Variants in CLYBL observed in about 807,000 individuals in gnomAD.
CLYBL encodes the protein citramalyl-CoA lyase.
In CLYBL, 31 loss-of-function variants were observed where a neutral mutation model predicts 38.9. The observed-to-expected ratio is 0.80, with a 90% CI of 0.60 to 1.08. CLYBL has a LOEUF of 1.08. Ranked by LOEUF, CLYBL falls within the 50% of genes least tolerant of loss-of-function variation. The pLI is 0.00. For missense variants in CLYBL, 434 were observed against 411.6 expected (o/e 1.05, Z -0.47); for synonymous variants, 171 against 158.6 (o/e 1.08, Z -0.59).
intron 2 of CLYBL, among the ~76,000 whole-genome samples, chr13:99,778,467 T>C (rs1431144633): frequency 6.6e-6 from 1 of 152,230 alleles, no homozygotes; most frequent in Non-Finnish European, 1.5e-5. Flanking sequence ...TAATTCCATA[T>C]TTCATTTGAT....
At position 99,772,851 on chromosome 13, in the gene CLYBL, C is replaced by T. The variant is rs1017316380; in HGVS notation, c.90C>T (p.Pro30=). The T allele has an allele frequency of 1.4e-5, 22 of 1,607,672 alleles. No individual in the cohort carries two copies. The highest frequency in any genetic ancestry group is 1.9e-5 in the Non-Finnish European group (22 of 1,178,664). ...RLKASLAADI[P]RLGYSSSSHH... is the part of the protein sequence containing the mutation. ...AAGCGTCTCTAGCAGCTGATATCCC[C>T]AGACTTGGATATAGTTCCTCATCCC... The change falls in exon 2 of 9, where the codon CCC becomes CCT. Residue 30 remains proline, a synonymous_variant. Transcript: ENST00000339105.
At chr13:99,901,639 T>A (rs9585257), downstream of CLYBL, among the ~76,000 whole-genome samples, 22,958 of 67,104 alleles carry the variant, frequency 0.34, 2,017 homozygotes, top group Middle Eastern at 0.39. Flanking sequence ...TTTTTTGGAT[T>A]TTTTTGTTTT....
chr13:99,798,560 T>C (rs1474792344), intron 2 of CLYBL, among the ~76,000 whole-genome samples: 1 of 152,252 alleles, frequency 6.6e-6, no homozygotes, highest in Non-Finnish European at 1.5e-5. Flanking sequence ...ATCATTTTAA[T>C]TGGAATTTGC....
At chr13:99,905,448 G>C (rs1190234678) in intron 9 of CLYBL, among the ~76,000 whole-genome samples, 1 of 152,158 alleles carries the variant, frequency 6.6e-6, no homozygotes, top group African/African-American at 2.4e-5. Context: ...GGCCAAAAGG[G>C]TGTCTTGAAG....
intron 2 of CLYBL, among the ~76,000 whole-genome samples, chr13:99,856,976 T>A (rs368185043): frequency 6.6e-6 from 1 of 151,942 alleles, no homozygotes; most frequent in Admixed American, 6.6e-5. Context: ...TAGACAGCTT[T>A]AGAGCCAAGA....
intron 1 of CLYBL, among the ~76,000 whole-genome samples, chr13:99,688,567 A>G (rs1346239312): frequency 6.6e-6 from 1 of 151,624 alleles, no homozygotes; most frequent in Non-Finnish European, 1.5e-5. Flanking sequence ...TACTAATTAT[A>G]TTACTTATTT....
At chr13:99,653,949 T>TC (rs922879534) in intron 1 of CLYBL, among the ~76,000 whole-genome samples, 1 of 152,166 alleles carries the variant, frequency 6.6e-6, no homozygotes, top group African/African-American at 2.4e-5. Flanking sequence ...GATAATTTCT[T>TC]CCCCCCTCAC....
At chr13:99,682,212 C>T (rs1003278900) in intron 1 of CLYBL, among the ~76,000 whole-genome samples, 4 of 151,726 alleles carry the variant, frequency 2.6e-5, no homozygotes, top group Admixed American at 1.3e-4. Context: ...GGCGCAGTCT[C>T]GGCTCACTGC....
At chr13:99,901,886 C>T (rs1454676124), downstream of CLYBL, among the ~76,000 whole-genome samples, 3 of 152,142 alleles carry the variant, frequency 2.0e-5, no homozygotes, top group Non-Finnish European at 4.4e-5. Context: ...TCTCGAATTC[C>T]TGACCTCAAG....
chr13:99,683,225 G>T (rs1483439498), intron 1 of CLYBL, among the ~76,000 whole-genome samples: 4 of 150,974 alleles, frequency 2.6e-5, no homozygotes, highest in Non-Finnish European at 4.4e-5. Context: ...GGGCTTGCAG[G>T]TGCCCCCCCC....
chr13:99,692,384 C>T (rs571353719), intron 1 of CLYBL, among the ~76,000 whole-genome samples: 24 of 152,086 alleles, frequency 1.6e-4, no homozygotes, highest in African/African-American at 4.3e-4. Context: ...CTCCGCCTCC[C>T]GGGTTCACGC....
At chr13:99,855,184 C>T (rs2051430876) in intron 2 of CLYBL, among the ~76,000 whole-genome samples, 1 of 152,164 alleles carries the variant, frequency 6.6e-6, no homozygotes, top group African/African-American at 2.4e-5. Context: ...GTTCATTCCA[C>T]AGTGAGAATG....
intron 7 of CLYBL, among the ~76,000 whole-genome samples, chr13:99,886,329 T>C (rs191914411): frequency 1.3e-5 from 2 of 152,384 alleles, no homozygotes; most frequent in East Asian, 3.9e-4. Context: ...TATGACAATT[T>C]CCCATAGATG....
At chr13:99,774,995 A>C (rs1041428811) in intron 2 of CLYBL, among the ~76,000 whole-genome samples, 43 of 152,302 alleles carry the variant, frequency 2.8e-4, no homozygotes, top group African/African-American at 1.0e-3. Context: ...AGGGATGACA[A>C]TATCTTCTTT....
At chr13:99,608,647 G>C (rs2046571190) in intron 1 of CLYBL, among the ~76,000 whole-genome samples, 1 of 152,038 alleles carries the variant, frequency 6.6e-6, no homozygotes, top group African/African-American at 2.4e-5. Context: ...CAGTACGCTG[G>C]GGGTTAACTC....
chr13:99,844,024 A>C (rs1352839430), intron 2 of CLYBL, among the ~76,000 whole-genome samples: 2 of 152,244 alleles, frequency 1.3e-5, no homozygotes, highest in Non-Finnish European at 2.9e-5. Context: ...GTGGCTGAGT[A>C]AAAAAGGCCG....
chr13:99,661,386 T>G (rs1301282748), intron 1 of CLYBL, among the ~76,000 whole-genome samples: 1 of 152,232 alleles, frequency 6.6e-6, no homozygotes, highest in East Asian at 1.9e-4. Context: ...TGTAACAGAT[T>G]GTTTTCCTAC....
intron 2 of CLYBL, among the ~76,000 whole-genome samples, chr13:99,792,340 G>T (rs929926003): frequency 7.2e-5 from 11 of 152,144 alleles, no homozygotes; most frequent in Non-Finnish European, 1.2e-4. Context: ...GCAGCTGCAG[G>T]TGGGCTGGGA....
At chr13:99,668,585 CAA>C (rs61178644) in intron 1 of CLYBL, among the ~76,000 whole-genome samples, 3 of 133,714 alleles carry the variant, frequency 2.2e-5, no homozygotes, top group East Asian at 2.2e-4. Flanking sequence ...AACTCCATCT[CAA>C]AAAAAAAAAA....
Sources: allele counts gnomAD v4.1 joint callset (sites outside exome capture counted in the v4.1 genomes callset), GRCh38; gene constraint gnomAD v4.1.1; transcripts MANE v1.5; gene names NCBI Gene and HGNC (gene_info 2026-07-23, HGNC 2026-07-21).